Variants in SEMA3F observed in about 807,000 individuals in gnomAD.
The protein encoded by SEMA3F is semaphorin-3F.
Under a neutral mutation model 98.5 loss-of-function variants are expected in SEMA3F, and 30 were observed. The ratio of observed to expected loss-of-function variants is 0.30; its 90% confidence interval spans 0.23 to 0.41. The LOEUF (loss-of-function observed/expected upper bound fraction) is 0.41. Among genes scored for constraint, SEMA3F ranks in the 10% least tolerant of loss-of-function variants. The pLI is 1.00. For missense variants in SEMA3F, 866 were observed against 1,119.3 expected, an observed-to-expected ratio of 0.77 and a Z score of 3.23; for synonymous variants, 380 against 444.8, an observed-to-expected ratio of 0.85 and a Z score of 1.83.
At chr3:50,176,529 G>T (rs1698815086) in intron 6 of SEMA3F, among the ~76,000 whole-genome samples, 1 of 152,194 alleles carries the variant, frequency 6.6e-6, no homozygotes, top group African/African-American at 2.4e-5. Flanking sequence ...CTTGAGACTT[G>T]GTCCCCAGGT....
Position 50,182,984 on chromosome 3 carries a change from C to G in SEMA3F, c.984C>G (p.Gly328=). 1 of 1,613,926 alleles carries G rather than the reference C, an allele frequency of 6.2e-7. No homozygotes were observed. The highest frequency in any genetic ancestry group is 8.5e-7 in the Non-Finnish European group (1 of 1,180,010). The change falls in exon 10 of 19, where the codon GGC becomes GGG. Residue 328 remains glycine (G), a synonymous_variant. Transcript: ENST00000002829. The surrounding 1 kb of genome is among the most constrained non-coding windows in gnomAD (Gnocchi z 4.5). ...LKARLVCSVP[G]EDGIETHFDE... ...CGCGGCTCGTCTGCTCTGTCCCGGG[C>G]GAGGATGGCATTGAGACTCACTTTG...
intron 2 of SEMA3F, among the ~76,000 whole-genome samples, chr3:50,168,639 G>A (rs576820992): frequency 1.9e-4 from 29 of 152,304 alleles, no homozygotes; most frequent in African/African-American, 5.5e-4. Context: ...CATTAAAAGA[G>A]GATTAGGCTG....
At chr3:50,185,623 AG>A in intron 14 of SEMA3F, 42 bp from the exon 15 acceptor site, 1 of 1,613,760 alleles carries the variant, frequency 6.2e-7, no homozygotes, top group Non-Finnish European at 8.5e-7. Flanking sequence ...CAGGGCAGGG[AG>A]GGGGTCCCTG....
intron 2 of SEMA3F, among the ~76,000 whole-genome samples, chr3:50,168,981 T>C (rs1264787900): frequency 6.6e-6 from 1 of 152,158 alleles, no homozygotes; most frequent in Non-Finnish European, 1.5e-5. Context: ...AGGTCTGAGC[T>C]AGGCTGCAGG....
At chr3:50,163,228 G>A (rs763329250) in intron 2 of SEMA3F, among the ~76,000 whole-genome samples, 10 of 152,340 alleles carry the variant, frequency 6.6e-5, no homozygotes, top group Non-Finnish European at 1.0e-4. Context: ...GGCTGGGGTC[G>A]CACTGGGCAG....
intron 7 of SEMA3F, among the ~76,000 whole-genome samples, chr3:50,177,186 C>G (rs895790896): frequency 1.3e-5 from 2 of 152,158 alleles, no homozygotes; most frequent in Non-Finnish European, 2.9e-5. Flanking sequence ...GAAGATAAGC[C>G]GAGTGCGTAT....
rs992706264 is a variant in SEMA3F at position 50,156,611 on chromosome 3, T to C, written c.-49+1047T>C. The stretch of plus-strand genomic sequence containing the variant: ...GGGAGCCCCATCTCAGCCCAGGGAG[T>C]TGGATGGAGCTGAGGCCTCTTCCCA... On this transcript the variant is annotated intron_variant, in intron 1 of 18. Coordinates refer to ENST00000002829, the MANE Select transcript of SEMA3F (RefSeq NM_004186.5). This position sits in a 1 kb window ranked among gnomAD's most constrained non-coding sequence, Gnocchi z 4.5. Among the ~76,000 whole-genome samples the C allele has an allele frequency of 2.0e-5, 3 of 151,882 alleles. No homozygotes were observed. The highest frequency in any genetic ancestry group is 7.3e-5 in the African/African-American group (3 of 41,312).
chr3:50,183,546 C>G lies in SEMA3F; in HGVS notation c.1215C>G (p.Pro405=), dbSNP rs1228415226. 6.2e-7 allele frequency: 1 copy of G among 1,614,034 alleles called. No homozygotes were observed. ...YQWMPFSGKM[P]YPRPGTCPGG... ...GGATGCCCTTCTCAGGGAAGATGCC[C>G]TACCCACGGCCGGGCACGGTAAGGA... The change falls in exon 12 of 19, where the codon CCC becomes CCG. Residue 405 remains proline (P), a synonymous_variant. Transcript: ENST00000002829.
chr3:50,173,078 C>T (rs928279404), intron 2 of SEMA3F, among the ~76,000 whole-genome samples: 3 of 152,166 alleles, frequency 2.0e-5, no homozygotes, highest in Admixed American at 6.5e-5. Context: ...TTGGGTGTGG[C>T]GCCTTCCCTG....
chr3:50,174,288 G>A lies in SEMA3F; in HGVS notation c.394G>A (p.Val132Met), dbSNP rs993690908. 6.2e-7 allele frequency: 1 copy of A among 1,613,588 alleles called. No individual in the cohort carries two copies. The highest frequency in any genetic ancestry group is 8.5e-7 in the Non-Finnish European group (1 of 1,179,988). ...GCCCTGGAACCGAACACACCTGTAT[G>A]TGTGCGGGACAGGTGCCTACAACCC... ...IQPWNRTHLY[V>M]CGTGAYNPMC... Residue 132 changes from valine to methionine, a missense_variant, in exon 5 of 19, where the codon GTG becomes ATG. Transcript: ENST00000002829.
At position 50,187,761 on chromosome 3, in the gene SEMA3F, G is replaced by A. The variant is rs755022827; in HGVS notation, c.2004G>A (p.Leu668=). The A allele has an allele frequency of 1.2e-6, 2 of 1,613,018 alleles. No homozygotes were observed. Residue 668 remains leucine, a synonymous_variant, in exon 19 of 19, where the codon CTG becomes CTA. Coordinates refer to ENST00000002829, the MANE Select transcript of SEMA3F (RefSeq NM_004186.5). ...RTEQGLLLRA[L]QLSDRGLYSC... ...AGCAGGGCTTGTTGCTCCGTGCACT[G>A]CAGCTCAGCGATCGTGGCCTCTACT...
At chr3:50,184,963 T>G (rs1575408629) in intron 13 of SEMA3F, 149 bp downstream of exon 13, 2 of 645,366 alleles carry the variant, frequency 3.1e-6, no homozygotes. Context: ...TTCTCCCTAT[T>G]GATGGGATAA....
rs116515382 is a variant in SEMA3F at position 50,184,168 on chromosome 3, C to A, written c.1234-424C>A. 1,763 of 237,328 alleles carry A rather than the reference C, an allele frequency of 7.4e-3. 37 individuals are homozygous for A. Among genetic ancestry groups the A allele is most frequent in the African/African-American group, 0.038 (1,665 of 44,074 alleles). 14.7% of individuals were successfully genotyped at this position (237,328 alleles called of 1,614,324 possible). A position where few individuals can be genotyped will look rare whatever the true frequency, so the allele number is the denominator to read the frequency against. ...TGGCCATGACGGGGGGCAGGCTGAG[C>A]CCAGGTTCAGGGGACAGCTTCAGGA... is the stretch of plus-strand genomic sequence containing the variant. On this transcript the variant is annotated intron_variant, in intron 12 of 18. Coordinates refer to ENST00000002829, the MANE Select transcript of SEMA3F (RefSeq NM_004186.5).
At chr3:50,181,203 G>T (rs1459938232) in intron 7 of SEMA3F, among the ~76,000 whole-genome samples, 1 of 152,062 alleles carries the variant, frequency 6.6e-6, no homozygotes, top group African/African-American at 2.4e-5. Flanking sequence ...TGTAAAAAAT[G>T]CAGTATTTGC....
Position 50,159,608 on chromosome 3 carries a change from T to TAGGCCCC in SEMA3F, c.-14_-8dup. On this transcript the variant is annotated 5_prime_UTR_variant, in exon 2 of 19. Coordinates refer to ENST00000002829, the MANE Select transcript of SEMA3F (RefSeq NM_004186.5). Reference sequence around the variant, plus strand: ...AGAGTGGAGCCTGCTTCCTGGGCCCTAGGCCCCTCCCACAATGCTTGTCGC... The same window carrying TAGGCCCC: ...AGAGTGGAGCCTGCTTCCTGGGCCCTAGGCCCCAGGCCCCTCCCACAATGCTTGTCGC... 6.5e-7 allele frequency: 1 copy of TAGGCCCC among 1,540,464 alleles called. No individual in the cohort carries two copies. Among genetic ancestry groups the TAGGCCCC allele is most frequent in the Non-Finnish European group, 8.9e-7 (1 of 1,118,280 alleles).
chr3:50,176,005 C>T (rs1266395513), intron 6 of SEMA3F, among the ~76,000 whole-genome samples: 1 of 152,146 alleles, frequency 6.6e-6, no homozygotes, highest in South Asian at 2.1e-4. Flanking sequence ...TTGCCCCTTT[C>T]CTTCCCTCTG....
At chr3:50,155,152 G>C (rs560777157), upstream of SEMA3F, 1 of 376,340 alleles carries the variant, frequency 2.7e-6, no homozygotes, top group East Asian at 4.3e-5. The surrounding 1 kb of genome is among the most constrained non-coding windows in gnomAD (Gnocchi z 4.9). Context: ...ACCTGGGTAC[G>C]CCGCGAGGAA....
rs1235161887 is a variant in SEMA3F at position 50,183,235 on chromosome 3, C to T, written c.1068C>T (p.Tyr356=). ...AGGACGTGAGGAACCCTGTCATTTA[C>T]GCTGTCTTTACCTCCTCTGGGTGAG... The part of the protein sequence containing the change: ...QTQDVRNPVI[Y]AVFTSSGSVF... The change falls in exon 11 of 19, where the codon TAC becomes TAT. Residue 356 remains tyrosine, a synonymous_variant. Coordinates refer to ENST00000002829, the MANE Select transcript of SEMA3F (RefSeq NM_004186.5). The T allele has an allele frequency of 9.9e-6, 16 of 1,614,160 alleles. No homozygotes were observed. The highest frequency in any genetic ancestry group is 3.3e-5 in the South Asian group (3 of 91,090).
At chr3:50,172,328 G>A (rs1477424004) in intron 2 of SEMA3F, among the ~76,000 whole-genome samples, 1 of 152,160 alleles carries the variant, frequency 6.6e-6, no homozygotes, top group Non-Finnish European at 1.5e-5. Flanking sequence ...CCTCATTACA[G>A]TGTTCCCTCT....
Sources: allele counts gnomAD v4.1 joint callset (sites outside exome capture counted in the v4.1 genomes callset), GRCh38; gene constraint gnomAD v4.1.1; non-coding constraint Gnocchi (gnomAD v3.1); transcripts MANE v1.5; gene names NCBI Gene and HGNC (gene_info 2026-07-23, HGNC 2026-07-21).